The following NOP58 variants were observed in gnomAD, a reference collection of about 807,000 sequenced individuals.
NOP58 encodes the protein NOP58 ribonucleoprotein, also known as nucleolar protein 58.
Under a neutral mutation model 71.2 loss-of-function variants are expected in NOP58, and 44 were observed. That is an observed-to-expected ratio of 0.62 (90% confidence interval 0.49 to 0.79). The LOEUF (loss-of-function observed/expected upper bound fraction) is 0.79. NOP58 is among the 30% of genes least tolerant of loss of function. The probability of loss-of-function intolerance (pLI) is 0.00; values close to 1 mark genes in which losing one functional copy is unlikely to be tolerated. For synonymous variants in NOP58, 228 were observed against 200.3 expected, an observed-to-expected ratio of 1.14 and a Z score of -1.17; for missense variants, 538 against 620.2, an observed-to-expected ratio of 0.87 and a Z score of 1.41.
intron 12 of NOP58, among the ~76,000 whole-genome samples, chr2:202,298,985 C>T (rs1689043082): frequency 1.0e-5 from 1 of 95,968 alleles, no homozygotes; most frequent in Non-Finnish European, 1.9e-5. Flanking sequence ...TTTTTTGAGA[C>T]AGTCTGTCTC....
intron 1 of NOP58, among the ~76,000 whole-genome samples, chr2:202,272,336 G>A (rs1305507740): frequency 6.6e-6 from 1 of 151,774 alleles, no homozygotes; most frequent in Admixed American, 6.6e-5. Context: ...TGTATTTTTA[G>A]TTAGAGGCGG....
chr2:202,300,431 A>G, intron 13 of NOP58, 64 bp downstream of exon 13: 1 of 1,349,314 alleles, frequency 7.4e-7, no homozygotes. Flanking sequence ...GGATTTTGTG[A>G]GTCTTAAAAG....
At position 202,297,528 on chromosome 2, in the gene NOP58, A is replaced by G. The variant is rs531008709; in HGVS notation, c.1206+15A>G. On this transcript the variant is annotated intron_variant, in intron 11 of 14. Coordinates refer to ENST00000264279, the MANE Select transcript of NOP58 (RefSeq NM_015934.5). ...AAGACAGAGGGGTAAGAACTACATC[A>G]TGCCTATTCCAGAAGTATTACTTGT... The G allele has an allele frequency of 1.9e-6, 3 of 1,605,830 alleles. No individual in the cohort carries two copies. The highest frequency in any genetic ancestry group is 2.2e-5 in the East Asian group (1 of 44,798).
chr2:202,301,187 C>G (rs868486075), intron 13 of NOP58, among the ~76,000 whole-genome samples: 1 of 151,858 alleles, frequency 6.6e-6, no homozygotes, highest in Non-Finnish European at 1.5e-5. Context: ...AATTTCCCCC[C>G]TCTTTTTTTA....
At position 202,291,107 on chromosome 2, in the gene NOP58, T is replaced by A; in HGVS notation, c.635-18T>A. 9 of 1,574,012 alleles carry A rather than the reference T, an allele frequency of 5.7e-6. No homozygotes were observed. The highest frequency in any genetic ancestry group is 7.7e-6 in the Non-Finnish European group (9 of 1,165,966). ...GTTGAAGAGTGATTCTCCCTCATCC[T>A]CTGCAAACATTCCATAGGCGATAGG... On this transcript the variant is annotated intron_variant, in intron 7 of 14. Coordinates refer to ENST00000264279, the MANE Select transcript of NOP58 (RefSeq NM_015934.5).
At chr2:202,286,570 A>G (rs1212577604) in intron 5 of NOP58, among the ~76,000 whole-genome samples, 1 of 152,248 alleles carries the variant, frequency 6.6e-6, no homozygotes, top group Non-Finnish European at 1.5e-5. Context: ...AGGTGGGCAT[A>G]GATTGAAAGG....
rs761956875 is a variant in NOP58, at chr2:202,300,252, T to C, written c.1287T>C (p.Asp429=). 1.3e-5 allele frequency: 21 copies of C among 1,589,406 alleles called. No individual in the cohort carries two copies. The South Asian group carries it at 2.2e-4, about 17-fold the overall frequency. ...CTTTCAGTGAAGTGAAGACTTACGA[T>C]CCTTCTGGTGACTCCACACTTCCAA... The part of the protein sequence containing the change: ...YEHKSEVKTY[D]PSGDSTLPTC... Residue 429 remains aspartate, a synonymous_variant, in exon 13 of 15, where the codon GAT becomes GAC. Coordinates refer to ENST00000264279, the MANE Select transcript of NOP58 (RefSeq NM_015934.5).
chr2:202,293,035 G>C (rs1430238167), intron 9 of NOP58, 132 bp downstream of exon 9: 2 of 913,924 alleles, frequency 2.2e-6, no homozygotes, highest in Non-Finnish European at 3.6e-6. Flanking sequence ...ATATGTGGGA[G>C]ATCACTAAGG....
intron 1 of NOP58, among the ~76,000 whole-genome samples, chr2:202,269,340 ATT>A (rs201564474): frequency 3.0e-5 from 4 of 135,208 alleles, no homozygotes; most frequent in Admixed American, 7.7e-5. Flanking sequence ...CCTGGCCTAA[ATT>A]TTTTTTTTTT....
chr2:202,297,661 CTAT>C, intron 11 of NOP58, 148 bp downstream of exon 11: 1 of 901,544 alleles, frequency 1.1e-6, no homozygotes, highest in South Asian at 1.9e-5. Context: ...TTAACAATTG[CTAT>C]TATTTACCAA....
intron 3 of NOP58, chr2:202,278,327 A>G: frequency 2.0e-6 from 1 of 496,540 alleles, no homozygotes; most frequent in Admixed American, 2.3e-5. Flanking sequence ...ACAAGGGACC[A>G]AGGTAATGTG....
chr2:202,286,727 C>T (rs1688792490), intron 5 of NOP58, among the ~76,000 whole-genome samples: 2 of 152,044 alleles, frequency 1.3e-5, no homozygotes, highest in South Asian at 4.2e-4. Context: ...AGCAGTGGTT[C>T]CCTATCAAGG....
In NOP58 at chr2:202,282,419, G is replaced by C. The variant is rs1216567894; in HGVS notation, c.244G>C (p.Glu82Gln). The C allele has an allele frequency of 6.2e-7, 1 of 1,613,628 alleles. No individual in the cohort carries two copies. The highest frequency in any genetic ancestry group is 2.2e-5 in the East Asian group (1 of 44,856). ...LKKVLKKIVK[E>Q]AHEPLAVADA... ...AAAAGTTCTGAAGAAAATAGTAAAAGAAGCCCATGAACCGCTGGCAGTAGC... is the reference window on the plus strand; with the variant it reads ...AAAAGTTCTGAAGAAAATAGTAAAACAAGCCCATGAACCGCTGGCAGTAGC... Residue 82 changes from glutamate (E) to glutamine (Q), a missense_variant, in exon 4 of 15, where the codon GAA becomes CAA. Glu to Gln is a conservative substitution (Grantham distance 29). Transcript: ENST00000264279.
At chr2:202,294,084 G>T (rs1346127930) in intron 9 of NOP58, among the ~76,000 whole-genome samples, 1 of 151,712 alleles carries the variant, frequency 6.6e-6, no homozygotes, top group Non-Finnish European at 1.5e-5. Flanking sequence ...AGAAGCTGAG[G>T]TGGGTGGGTC....
intron 3 of NOP58, among the ~76,000 whole-genome samples, chr2:202,281,197 G>A (rs568895904): frequency 1.0e-3 from 157 of 150,924 alleles, no homozygotes; most frequent in Non-Finnish European, 1.9e-3. Flanking sequence ...CAATGTCACG[G>A]TATCACTTTA....
At chr2:202,284,288 C>G (rs1414559628) in intron 4 of NOP58, 57 bp from the exon 5 acceptor site, 4 of 1,391,628 alleles carry the variant, frequency 2.9e-6, no homozygotes, top group Non-Finnish European at 3.9e-6. Flanking sequence ...ATAATAATAA[C>G]AACTTCAGGA....
intron 9 of NOP58, chr2:202,293,160 T>G: frequency 1.5e-6 from 1 of 659,540 alleles, no homozygotes; most frequent in Middle Eastern, 2.6e-4. Context: ...AGAAGTTTGT[T>G]AGGGTTAATT....
chr2:202,290,221 T>G, intron 6 of NOP58, 102 bp from the exon 7 acceptor site: 32 of 894,626 alleles, frequency 3.6e-5, no homozygotes, highest in Non-Finnish European at 4.7e-5. Context: ...ATTACAGACA[T>G]GAGCCACCGT....
intron 8 of NOP58, among the ~76,000 whole-genome samples, chr2:202,291,596 A>G (rs114177656): frequency 0.1 from 15,710 of 152,108 alleles, 990 homozygotes; most frequent in South Asian, 0.24. Context: ...ACCTGAGGTC[A>G]GGAGTTCGAG....
Sources: allele counts gnomAD v4.1 joint callset (sites outside exome capture counted in the v4.1 genomes callset), GRCh38; gene constraint gnomAD v4.1.1; transcripts MANE v1.5; gene names NCBI Gene and HGNC (gene_info 2026-07-23, HGNC 2026-07-21).